EML4: variants seen among roughly 807,000 people sequenced by gnomAD.
EML4 encodes the protein echinoderm microtubule-associated protein-like 4.
In EML4, 72 loss-of-function variants were observed where a neutral mutation model predicts 129.0. The observed-to-expected ratio is 0.56, with a 90% CI of 0.46 to 0.68. The LOEUF (loss-of-function observed/expected upper bound fraction) is 0.68. Among genes scored for constraint, EML4 ranks in the 30% least tolerant of loss-of-function variants. The pLI is 0.00. For synonymous variants in EML4, 532 were observed against 405.0 expected (o/e 1.31, Z -3.77); for missense variants, 1,363 against 1,190.6 (o/e 1.14, Z -2.13).
intron 2 of EML4, among the ~76,000 whole-genome samples, chr2:42,249,488 C>G (rs995427822): frequency 6.6e-6 from 1 of 152,016 alleles, no homozygotes. Context: ...GTCAACTTCC[C>G]TATTACTGAA....
intron 1 of EML4, among the ~76,000 whole-genome samples, chr2:42,244,447 G>T (rs943718761): frequency 6.6e-6 from 1 of 152,178 alleles, no homozygotes; most frequent in African/African-American, 2.4e-5. Flanking sequence ...AACAAATACA[G>T]TAGTATAGTC....
intron 17 of EML4, among the ~76,000 whole-genome samples, chr2:42,309,326 TTGAATC>T (rs1172955596): frequency 6.6e-6 from 1 of 151,480 alleles, no homozygotes; most frequent in African/African-American, 2.4e-5. Context: ...GGAGGATAAT[TTGAATC>T]TGGGATGTCA....
intron 14 of EML4, 78 bp from the exon 15 acceptor site, chr2:42,303,026 A>G: frequency 7.0e-7 from 1 of 1,437,538 alleles, no homozygotes; most frequent in Non-Finnish European, 9.6e-7. Context: ...ATAATTGCTT[A>G]CAGCTATAAA....
Position 42,301,260 on chromosome 2 carries a change from ACAAAT to A in EML4, c.1514_1518del (p.Ile505SerfsTer3), listed in dbSNP as rs751834169. ...TATTAGGTGTATATCAAATCAGCAAACAAATCAAAGCTCATGATGGCAGTGTGTTC... is the reference window on the plus strand; with the variant it reads ...TATTAGGTGTATATCAAATCAGCAAACAAAGCTCATGATGGCAGTGTGTTC... On this transcript the variant is annotated frameshift_variant, in exon 14 of 23. Coordinates refer to ENST00000318522, the MANE Select transcript of EML4 (RefSeq NM_019063.5). LOFTEE classifies it high-confidence loss of function. The A allele has an allele frequency of 1.9e-6, 3 of 1,612,250 alleles. No homozygotes were observed. The highest frequency in any genetic ancestry group is 1.3e-5 in the African/African-American group (1 of 74,920).
intron 1 of EML4, among the ~76,000 whole-genome samples, chr2:42,180,884 C>T (rs938229289): frequency 1.3e-5 from 2 of 152,200 alleles, no homozygotes; most frequent in African/African-American, 2.4e-5. Flanking sequence ...GTTCCTTAGT[C>T]TTCCTTGGGT....
chr2:42,219,773 T>A (rs1004589821), intron 1 of EML4, among the ~76,000 whole-genome samples: 3 of 151,404 alleles, frequency 2.0e-5, no homozygotes, highest in African/African-American at 7.3e-5. Context: ...CAAAAAAAAA[T>A]TATTAGCCGG....
At chr2:42,188,528 T>G (rs918427883) in intron 1 of EML4, among the ~76,000 whole-genome samples, 2 of 150,694 alleles carry the variant, frequency 1.3e-5, no homozygotes, top group African/African-American at 4.9e-5. Context: ...TGGGTACTTA[T>G]ATTTTAGGGT....
chr2:42,240,442 A>G (rs1053716290), intron 1 of EML4, among the ~76,000 whole-genome samples: 4 of 152,016 alleles, frequency 2.6e-5, no homozygotes, highest in East Asian at 3.8e-4. Context: ...GTGTGTGTAT[A>G]TGTGTGTTTT....
At chr2:42,212,820 A>T (rs1416247368) in intron 1 of EML4, among the ~76,000 whole-genome samples, 1 of 152,244 alleles carries the variant, frequency 6.6e-6, no homozygotes, top group Non-Finnish European at 1.5e-5. Context: ...TGGATATTTT[A>T]AAAGTAACTA....
chr2:42,269,983 C>T (rs1478922049), intron 6 of EML4, among the ~76,000 whole-genome samples: 2 of 152,132 alleles, frequency 1.3e-5, no homozygotes, highest in Non-Finnish European at 2.9e-5. Context: ...CACAGTTCTA[C>T]ACTATGAGTT....
rs762149264 is a variant in EML4 at position 42,325,584 on chromosome 2, T to C, written c.2242+30T>C. 6 of 394,748 alleles carry C rather than the reference T, an allele frequency of 1.5e-5. No individual in the cohort carries two copies. In the South Asian group the frequency reaches 2.7e-4, roughly 18 times the overall value. 24.5% of individuals were successfully genotyped at this position (394,748 alleles called of 1,614,324 possible). A position where few individuals can be genotyped will look rare whatever the true frequency, so the allele number is the denominator to read the frequency against. ...GTATGAATGATTTTATATATATATATATATGCTATGATTATATTTATATAT... is the reference window on the plus strand; with the variant it reads ...GTATGAATGATTTTATATATATATACATATGCTATGATTATATTTATATAT... On this transcript the variant is annotated intron_variant, in intron 20 of 22. Coordinates refer to ENST00000318522, the MANE Select transcript of EML4 (RefSeq NM_019063.5).
At chr2:42,202,556 A>G (rs149371529) in intron 1 of EML4, among the ~76,000 whole-genome samples, 9 of 152,316 alleles carry the variant, frequency 5.9e-5, no homozygotes, top group Non-Finnish European at 1.2e-4. Context: ...GGAGCAAGGA[A>G]GCCAGTCTGA....
At chr2:42,290,132 A>G (rs1667546055) in intron 11 of EML4, among the ~76,000 whole-genome samples, 1 of 151,894 alleles carries the variant, frequency 6.6e-6, no homozygotes, top group African/African-American at 2.4e-5. Context: ...CAGAGGATGT[A>G]TTGACTCCTG....
Position 42,330,645 on chromosome 2 carries a change from G to C in EML4, c.*438G>C. ...TTTTTTTTTTTTTTTTCCTGAAAAA[G>C]AAACCAGAAAAAAATGTACTCTTAC... is the stretch of plus-strand genomic sequence containing the variant. On this transcript the variant is annotated 3_prime_UTR_variant, in exon 23 of 23. Coordinates refer to ENST00000318522, the MANE Select transcript of EML4 (RefSeq NM_019063.5). 1 of 255,108 alleles carries C rather than the reference G, an allele frequency of 3.9e-6. No individual in the cohort carries two copies. Among genetic ancestry groups the C allele is most frequent in the Non-Finnish European group, 7.6e-6 (1 of 132,192 alleles). The allele number at this position is 255,108 out of a possible 1,614,324, so 15.8% of individuals were successfully genotyped here. A position where few individuals can be genotyped will look rare whatever the true frequency, so the allele number is the denominator to read the frequency against.
intron 1 of EML4, among the ~76,000 whole-genome samples, chr2:42,173,280 T>C (rs532246969): frequency 2.6e-5 from 4 of 152,332 alleles, no homozygotes; most frequent in African/African-American, 9.6e-5. Flanking sequence ...ATGAAAATGT[T>C]TTTCATGTAA....
rs933236426 is a variant in EML4 at position 42,242,143 on chromosome 2, C to T, written c.26-3362C>T. On this transcript the variant is annotated intron_variant, in intron 1 of 22. Transcript: ENST00000318522. Reference sequence around the variant, plus strand: ...CAAGCTGGTACTAAAACCTAGCACCCTAACCTTGGCATTATAGCCTGATGA... The same window carrying T: ...CAAGCTGGTACTAAAACCTAGCACCTTAACCTTGGCATTATAGCCTGATGA... Among the ~76,000 whole-genome samples, 35 of 152,120 alleles carry T rather than the reference C, an allele frequency of 2.3e-4. 2 individuals are homozygous for T. The highest frequency in any genetic ancestry group is 1.8e-3 in the Admixed American group (28 of 15,262).
At chr2:42,245,716 C>T (rs763386052) in intron 2 of EML4, 29 bp downstream of exon 2, 3 of 1,523,062 alleles carry the variant, frequency 2.0e-6, no homozygotes, top group East Asian at 2.4e-5. Context: ...TAAAAAGAGT[C>T]TTGCTTTTTG....
rs145539948 is a variant in EML4 at position 42,209,959 on chromosome 2, C to A, written c.26-35546C>A. Among the ~76,000 whole-genome samples, 1,414 of 148,646 alleles carry A rather than the reference C, an allele frequency of 9.5e-3. 25 individuals are homozygous for A. Among genetic ancestry groups the A allele is most frequent in the African/African-American group, 0.031 (1,240 of 40,646 alleles). Reference sequence around the variant, plus strand: ...CCAAAAAAACAAACAAACAAACAAACAAAAAAACCAATAGACTTCATTTAG... The same window carrying A: ...CCAAAAAAACAAACAAACAAACAAAAAAAAAAACCAATAGACTTCATTTAG... On this transcript the variant is annotated intron_variant, in intron 1 of 22. Coordinates refer to ENST00000318522, the MANE Select transcript of EML4 (RefSeq NM_019063.5).
chr2:42,323,507 G>C (rs1024757800), intron 19 of EML4, among the ~76,000 whole-genome samples: 13 of 152,152 alleles, frequency 8.5e-5, no homozygotes, highest in African/African-American at 3.1e-4. Flanking sequence ...ACAGCACTAT[G>C]GTGGAGATTA....
Sources: allele counts gnomAD v4.1 joint callset (sites outside exome capture counted in the v4.1 genomes callset), GRCh38; gene constraint gnomAD v4.1.1; transcripts MANE v1.5; gene names NCBI Gene and HGNC (gene_info 2026-07-23, HGNC 2026-07-21).